CHM: variants seen among roughly 807,000 people sequenced by gnomAD.
CHM encodes CHM Rab escort protein, also known as rab proteins geranylgeranyltransferase component A 1.
CHM carries 10 observed loss-of-function variants against 49.0 expected under a neutral mutation model. The observed-to-expected ratio is 0.20, with a 90% CI of 0.13 to 0.35. The LOEUF (loss-of-function observed/expected upper bound fraction) is 0.35. Among genes scored for constraint, CHM ranks in the 10% least tolerant of loss-of-function variants. CHM has a pLI of 1.00. For synonymous variants in CHM, 184 were observed against 167.5 expected, an observed-to-expected ratio of 1.10 and a Z score of -0.76; for missense variants, 455 against 478.4, an observed-to-expected ratio of 0.95 and a Z score of 0.46.
At chrX:85,864,971 G>GT (rs758656748) in intron 14 of CHM, 150 bp from the exon 15 acceptor site, 16 of 514,065 alleles carry the variant, frequency 3.1e-5, no homozygotes, top group Non-Finnish European at 5.0e-5. Flanking sequence ...ATGAACTTCC[G>GT]TAAGTCTGTT....
intron 6 of CHM, 90 bp from the exon 7 acceptor site, chrX:85,958,065 G>C (rs1930096518): frequency 9.3e-7 from 1 of 1,073,651 alleles, no homozygotes; most frequent in Non-Finnish European, 1.3e-6. Flanking sequence ...ACATATAACA[G>C]GATTATCGTT....
chrX:85,980,746 A>C (rs1188896994), intron 3 of CHM, among the ~76,000 whole-genome samples: 1 of 111,202 alleles, frequency 9.0e-6, no homozygotes, highest in Non-Finnish European at 1.9e-5. Context: ...GATTTTTTTA[A>C]ATCTGTCTTA....
intron 12 of CHM, among the ~76,000 whole-genome samples, chrX:85,886,162 T>C (rs961633649): frequency 9.0e-6 from 1 of 110,967 alleles, no homozygotes; most frequent in African/African-American, 3.3e-5. Context: ...TGAAACAAAT[T>C]GTTCTGAATA....
At chrX:85,970,354 A>T (rs897636070) in intron 4 of CHM, 89 of 746,080 alleles carry the variant, frequency 1.2e-4, no homozygotes, top group Admixed American at 2.6e-4. Context: ...TTACAATACT[A>T]TATAGTATTC....
chrX:85,920,582 T>C (rs1371751581), intron 8 of CHM, among the ~76,000 whole-genome samples: 1 of 112,254 alleles, frequency 8.9e-6, no homozygotes, highest in Non-Finnish European at 1.9e-5. Context: ...CAAATAATAA[T>C]CACAACTAGC....
At chrX:85,899,885 G>T (rs1046034475) in intron 11 of CHM, among the ~76,000 whole-genome samples, 5 of 110,556 alleles carry the variant, frequency 4.5e-5, no homozygotes, top group South Asian at 3.9e-4. Context: ...TGTTAGGATG[G>T]CTATTATTAA....
chrX:86,039,578 G>GGGACAGGA (rs1934381226), intron 1 of CHM, among the ~76,000 whole-genome samples: 1 of 108,509 alleles, frequency 9.2e-6, no homozygotes, highest in Non-Finnish European at 1.9e-5. Flanking sequence ...GTGAGTGACA[G>GGGACAGGA]GGACAGGAGG....
intron 8 of CHM, among the ~76,000 whole-genome samples, chrX:85,918,341 T>C (rs192254669): frequency 8.9e-6 from 1 of 111,748 alleles, no homozygotes; most frequent in Non-Finnish European, 1.9e-5. Flanking sequence ...TAAAATACTT[T>C]TAGACAAGCA....
intron 12 of CHM, among the ~76,000 whole-genome samples, chrX:85,883,323 T>C (rs1055041962): frequency 3.6e-5 from 4 of 111,544 alleles, no homozygotes; most frequent in Non-Finnish European, 7.6e-5. Flanking sequence ...GTAACATATC[T>C]TTCATATAAC....
chrX:86,018,365 CA>C (rs1286318101), intron 2 of CHM, among the ~76,000 whole-genome samples: 1 of 111,537 alleles, frequency 9.0e-6, no homozygotes, highest in Non-Finnish European at 1.9e-5. Context: ...ACCAAAAATA[CA>C]AAAAAAGGTG....
At chrX:85,891,231 A>AT (rs961211273) in intron 12 of CHM, among the ~76,000 whole-genome samples, 4 of 112,298 alleles carry the variant, frequency 3.6e-5, no homozygotes, top group African/African-American at 1.3e-4. Context: ...TAGAAAACAC[A>AT]TTTTTTGAGG....
intron 8 of CHM, among the ~76,000 whole-genome samples, chrX:85,917,583 A>G (rs1303956409): frequency 1.8e-5 from 2 of 111,745 alleles, no homozygotes; most frequent in African/African-American, 6.5e-5. Context: ...GGCTGAAATG[A>G]CAGACATATA....
chrX:85,942,778 A>G (rs2147640705), intron 8 of CHM, among the ~76,000 whole-genome samples: 1 of 108,515 alleles, frequency 9.2e-6, no homozygotes, highest in South Asian at 4.0e-4. Context: ...ATATATATAT[A>G]CTTTAAGTTT....
At chrX:85,874,267 TTC>T (rs1472735834) in intron 13 of CHM, among the ~76,000 whole-genome samples, 1 of 111,853 alleles carries the variant, frequency 8.9e-6, no homozygotes, top group Non-Finnish European at 1.9e-5. Context: ...TAATTAAATT[TTC>T]TGTTTGAAAA....
intron 5 of CHM, among the ~76,000 whole-genome samples, chrX:85,963,432 C>G (rs1007786697): frequency 8.9e-6 from 1 of 112,452 alleles, no homozygotes; most frequent in African/African-American, 3.2e-5. Context: ...AGTATGTGCT[C>G]AAGCACAAAA....
chrX:85,941,054 C>T (rs755435356), intron 8 of CHM, among the ~76,000 whole-genome samples: 16 of 111,690 alleles, frequency 1.4e-4, no homozygotes, highest in Non-Finnish European at 2.8e-4. Flanking sequence ...ATATACTGTA[C>T]ATCCACTATA....
chrX:86,012,693 TTC>T (rs1287751436), intron 2 of CHM, among the ~76,000 whole-genome samples: 1 of 111,437 alleles, frequency 9.0e-6, no homozygotes, highest in Non-Finnish European at 1.9e-5. Context: ...TGTTGGCAAA[TTC>T]TTTTTACCAA....
At chrX:85,870,263 G>A (rs754841687) in intron 14 of CHM, among the ~76,000 whole-genome samples, 4 of 112,173 alleles carry the variant, frequency 3.6e-5, no homozygotes, top group East Asian at 2.8e-4. Context: ...CACACAGAAA[G>A]TGCTCAAATG....
At chrX:85,971,513 T>C in intron 4 of CHM, 1 of 270,076 alleles carries the variant, frequency 3.7e-6, no homozygotes, top group Non-Finnish European at 7.1e-6. Flanking sequence ...GGTGGGCTTG[T>C]GGTCTCGGTG....
Sources: allele counts gnomAD v4.1 joint callset (sites outside exome capture counted in the v4.1 genomes callset), GRCh38; gene constraint gnomAD v4.1.1; transcripts MANE v1.5; gene names NCBI Gene and HGNC (gene_info 2026-07-23, HGNC 2026-07-21).